Variants in ZFAT observed in about 807,000 individuals in gnomAD.
ZFAT encodes the protein zinc finger and AT-hook domain containing, also known as zinc finger protein ZFAT.
A neutral mutation model predicts 117.7 loss-of-function variants in ZFAT; 64 were observed. The observed-to-expected ratio is 0.54, with a 90% CI of 0.44 to 0.67. The LOEUF (loss-of-function observed/expected upper bound fraction) is 0.67, where lower values mean the gene tolerates loss of function less well. Among genes scored for constraint, ZFAT ranks in the 30% least tolerant of loss-of-function variants. The pLI, the probability that ZFAT is intolerant of heterozygous loss-of-function variation, is 0.00. For synonymous variants in ZFAT, 679 were observed against 615.0 expected (o/e 1.10, Z -1.54); for missense variants, 1,433 against 1,584.5 (o/e 0.90, Z 1.62).
chr8:134,803,578 G>A, the ZFAT span, among the ~76,000 whole-genome samples: 1 of 152,074 alleles, frequency 6.6e-6, no homozygotes, highest in Non-Finnish European at 1.5e-5. Flanking sequence ...CCCCAAATAA[G>A]TCTTATAAAC....
chr8:134,483,669 G>A (rs1331802155), intron 15 of ZFAT, among the ~76,000 whole-genome samples: 5 of 152,166 alleles, frequency 3.3e-5, no homozygotes, highest in Admixed American at 1.3e-4. Flanking sequence ...ATTAGCAGCA[G>A]CATAGATAGC....
chr8:134,481,385 C>G (rs1336723640), intron 15 of ZFAT, among the ~76,000 whole-genome samples: 2 of 152,178 alleles, frequency 1.3e-5, no homozygotes, highest in Non-Finnish European at 2.9e-5. Context: ...ACACACAATA[C>G]AGGGAGACAA....
chr8:134,529,319 C>A (rs1298469403), intron 12 of ZFAT, among the ~76,000 whole-genome samples: 1 of 152,180 alleles, frequency 6.6e-6, no homozygotes. Flanking sequence ...CTCTCACAGC[C>A]TGTGATTTAC....
intron 11 of ZFAT, among the ~76,000 whole-genome samples, chr8:134,534,493 G>A (rs914563250): frequency 6.6e-6 from 1 of 152,068 alleles, no homozygotes; most frequent in Non-Finnish European, 1.5e-5. Context: ...CTCTTTCAAG[G>A]TTTCTTCCCT....
At chr8:134,660,993 C>A (rs1357675925) in intron 1 of ZFAT, among the ~76,000 whole-genome samples, 1 of 152,242 alleles carries the variant, frequency 6.6e-6, no homozygotes, top group Non-Finnish European at 1.5e-5. Context: ...GAAACTGGAC[C>A]TGGAGCTCCC....
At chr8:134,828,348 C>A in the ZFAT span, among the ~76,000 whole-genome samples, 4 of 152,136 alleles carry the variant, frequency 2.6e-5, no homozygotes, top group Non-Finnish European at 5.9e-5. Flanking sequence ...GCTTTTGACC[C>A]ATATTCAGTA....
At chr8:134,578,624 C>A (rs73365306) in intron 10 of ZFAT, among the ~76,000 whole-genome samples, 1,869 of 152,030 alleles carry the variant, frequency 0.012, 41 homozygotes, top group African/African-American at 0.043. Flanking sequence ...ACTGGCTGTT[C>A]TGTTGAGAAT....
intron 1 of ZFAT, among the ~76,000 whole-genome samples, chr8:134,695,800 C>A (rs540514536): frequency 6.7e-6 from 1 of 148,744 alleles, no homozygotes; most frequent in Non-Finnish European, 1.5e-5. Flanking sequence ...AAGGCAGCAC[C>A]GCCCCCCAGG....
intron 10 of ZFAT, among the ~76,000 whole-genome samples, chr8:134,567,715 C>T (rs926935424): frequency 2.1e-5 from 3 of 140,718 alleles, no homozygotes; most frequent in Admixed American, 7.2e-5. Flanking sequence ...CTGACTTTCT[C>T]TTGTGCCTGC....
chr8:134,594,766 C>T (rs1826800748), intron 7 of ZFAT: 1 of 152,144 alleles, frequency 6.6e-6, no homozygotes, highest in African/African-American at 2.4e-5. Context: ...GGAGCCACAC[C>T]ACTTCTAAGT....
At position 134,565,350 on chromosome 8, in the gene ZFAT, G is replaced by A; in HGVS notation, c.2959C>T (p.Gln987Ter). 1 of 1,613,858 alleles carries A rather than the reference G, an allele frequency of 6.2e-7. No individual in the cohort carries two copies. Residue 987 changes from glutamine to a stop codon, truncating the protein, a stop_gained, in exon 11 of 16, where the codon CAG (glutamine) becomes TAG (stop). Transcript: ENST00000377838. LOFTEE classifies it high-confidence loss of function. ...CCTCTTACCTTGAAGGAGACATGCT[G>A]TTCCATGTGCCGCAGCAGCTGTGGC... is the stretch of plus-strand genomic sequence containing the variant. ...QKPQLLRHME[Q>*]HVSFKPFRCA...
At chr8:134,776,959 A>T in the ZFAT span, among the ~76,000 whole-genome samples, 1 of 152,206 alleles carries the variant, frequency 6.6e-6, no homozygotes, top group Non-Finnish European at 1.5e-5. Flanking sequence ...AGAACTCTGG[A>T]GAGTGAAATT....
At chr8:134,504,966 C>G (rs1051655009) in intron 15 of ZFAT, among the ~76,000 whole-genome samples, 1 of 152,214 alleles carries the variant, frequency 6.6e-6, no homozygotes, top group Non-Finnish European at 1.5e-5. Context: ...ACCCCAGACC[C>G]AGGTACACGG....
intron 1 of ZFAT, among the ~76,000 whole-genome samples, chr8:134,668,887 T>C (rs1169687863): frequency 6.6e-6 from 1 of 152,070 alleles, no homozygotes; most frequent in Non-Finnish European, 1.5e-5. Context: ...ACTAGAATAA[T>C]GAGTGTAGAG....
intron 12 of ZFAT, among the ~76,000 whole-genome samples, chr8:134,530,584 T>C (rs1207568837): frequency 6.6e-6 from 1 of 152,190 alleles, no homozygotes. Context: ...CTGGGTTGTC[T>C]CCTTCTTCAA....
At chr8:134,493,933 A>G (rs1469753051) in intron 15 of ZFAT, among the ~76,000 whole-genome samples, 4 of 152,254 alleles carry the variant, frequency 2.6e-5, no homozygotes, top group Non-Finnish European at 4.4e-5. Flanking sequence ...AGTTCAGAGC[A>G]GATTCACTAA....
chr8:134,484,420 G>A (rs1427395086), intron 15 of ZFAT, among the ~76,000 whole-genome samples: 1 of 152,226 alleles, frequency 6.6e-6, no homozygotes, highest in Non-Finnish European at 1.5e-5. Flanking sequence ...GCCAGCTGCT[G>A]CCTGCCCTTG....
At chr8:134,804,703 C>G in the ZFAT span, among the ~76,000 whole-genome samples, 1 of 152,180 alleles carries the variant, frequency 6.6e-6, no homozygotes, top group Non-Finnish European at 1.5e-5. Context: ...AAGCTCGAGA[C>G]GGCATATCCT....
chr8:134,485,525 C>G (rs1374844001), intron 15 of ZFAT, among the ~76,000 whole-genome samples: 1 of 152,198 alleles, frequency 6.6e-6, no homozygotes, highest in Non-Finnish European at 1.5e-5. Context: ...ATCTGACACA[C>G]GTTTTCTGGA....
Sources: allele counts gnomAD v4.1 joint callset (sites outside exome capture counted in the v4.1 genomes callset), GRCh38; gene constraint gnomAD v4.1.1; transcripts MANE v1.5; gene names NCBI Gene and HGNC (gene_info 2026-07-23, HGNC 2026-07-21).